The following TIMM23 variants were observed in gnomAD, a reference collection of about 807,000 sequenced individuals.
TIMM23 encodes translocase of inner mitochondrial membrane 23.
TIMM23 carries 19 observed loss-of-function variants against 30.7 expected under a neutral mutation model. That is an observed-to-expected ratio of 0.62 (90% CI 0.43 to 0.91). The LOEUF (loss-of-function observed/expected upper bound fraction) is 0.91, where lower values mean the gene tolerates loss of function less well. Ranked by LOEUF, TIMM23 falls within the 40% of genes least tolerant of loss-of-function variation. TIMM23 has a pLI of 0.00. For synonymous variants in TIMM23, 78 were observed against 98.5 expected, an observed-to-expected ratio of 0.79 and a Z score of 1.23; for missense variants, 202 against 269.2, an observed-to-expected ratio of 0.75 and a Z score of 1.75.
intron 2 of TIMM23, among the ~76,000 whole-genome samples, chr10:45,977,080 A>G (rs1837695145): frequency 6.6e-6 from 1 of 150,434 alleles, no homozygotes; most frequent in Admixed American, 6.7e-5. Flanking sequence ...CATATTCTGA[A>G]AACTATAAAA....
intron 2 of TIMM23, among the ~76,000 whole-genome samples, chr10:45,981,812 T>C (rs1189520532): frequency 1.3e-5 from 2 of 152,174 alleles, no homozygotes; most frequent in African/African-American, 2.4e-5. Flanking sequence ...TAATCCAACA[T>C]GGTGATAAAA....
intron 6 of TIMM23, among the ~76,000 whole-genome samples, chr10:45,994,299 A>G (rs1838261176): frequency 1.3e-5 from 2 of 151,732 alleles, no homozygotes; most frequent in East Asian, 3.9e-4. Context: ...AGATTGCGCC[A>G]CTGCACTCCA....
chr10:45,993,288 C>G (rs1288943283), intron 6 of TIMM23, among the ~76,000 whole-genome samples: 1 of 144,598 alleles, frequency 6.9e-6, no homozygotes, highest in Non-Finnish European at 1.5e-5. Flanking sequence ...TCTCGTTGGC[C>G]AGACTGGAGT....
At chr10:45,986,601 G>A (rs1346267998) in intron 5 of TIMM23, among the ~76,000 whole-genome samples, 9 of 152,222 alleles carry the variant, frequency 5.9e-5, no homozygotes, top group South Asian at 4.2e-4. Context: ...GGCTGAGCGC[G>A]GTGTATTGTT....
Position 46,003,447 on chromosome 10 carries a change from G to A in TIMM23, c.*129G>A. The A allele has an allele frequency of 1.4e-6, 1 of 699,618 alleles. No homozygotes were observed. Among genetic ancestry groups the A allele is most frequent in the Non-Finnish European group, 2.3e-6 (1 of 425,668 alleles). 43.3% of individuals were successfully genotyped at this position (699,618 alleles called of 1,614,324 possible). On this transcript the variant is annotated 3_prime_UTR_variant, in exon 7 of 7. Transcript: ENST00000580018. ...AAAATTGGAGATTTTGATTTGCTGT[G>A]ATGAAAATCCTGGATGGCTGACCAA...
In TIMM23 at chr10:46,003,257, TCTATGCA is replaced by T; in HGVS notation, c.574_580del (p.Ala192IlefsTer7). On this transcript the variant is annotated frameshift_variant, in exon 7 of 7. Transcript: ENST00000580018. LOFTEE classifies it high-confidence loss of function. The stretch of plus-strand genomic sequence containing the variant: ...CTGACAGGACTAACACTTACCAGCC[TCTATGCA>T]CTATATAATAACTGGGAGCACATGA... 1 of 1,614,212 alleles carries T rather than the reference TCTATGCA, an allele frequency of 6.2e-7. No homozygotes were observed. Among genetic ancestry groups the T allele is most frequent in the Non-Finnish European group, 8.5e-7 (1 of 1,180,028 alleles).
rs1482321759 is a variant in TIMM23, at chr10:45,995,996, C to G, written c.514+7149C>G. The stretch of plus-strand genomic sequence containing the variant: ...AATCAAGTGTCTGATGCATAATAAA[C>G]CAACCTAACAAAAAATGCTGCCTTT... On this transcript the variant is annotated intron_variant, in intron 6 of 6. Coordinates refer to ENST00000580018, the MANE Select transcript of TIMM23 (RefSeq NM_006327.4). 1.1e-4 allele frequency among the ~76,000 whole-genome samples: 16 copies of G among 149,982 alleles called. No homozygotes were observed. The East Asian group carries it at 2.9e-3, about 27-fold the overall frequency.
intron 6 of TIMM23, among the ~76,000 whole-genome samples, chr10:45,992,881 ATCTT>A (rs1212068693): frequency 2.0e-5 from 3 of 151,974 alleles, no homozygotes; most frequent in Admixed American, 2.0e-4. Flanking sequence ...AAGTGGCTCT[ATCTT>A]CTCTGTAATT....
In TIMM23 at chr10:45,988,400, G is replaced by T. The variant is rs1398201640; in HGVS notation, c.404-337G>T. On this transcript the variant is annotated intron_variant, in intron 5 of 6. Coordinates refer to ENST00000580018, the MANE Select transcript of TIMM23 (RefSeq NM_006327.4). Reference sequence around the variant, plus strand: ...ATGGCCAGTTCCAAGACAGAAAGGTGTGGGGAAAGATTAGAGTCCTGCTGT... The same window carrying T: ...ATGGCCAGTTCCAAGACAGAAAGGTTTGGGGAAAGATTAGAGTCCTGCTGT... Among the ~76,000 whole-genome samples the T allele has an allele frequency of 4.6e-5, 7 of 152,238 alleles. No homozygotes were observed. In the East Asian group the frequency reaches 1.4e-3, roughly 29 times the overall value.
chr10:45,991,479 C>T (rs1306361734), intron 6 of TIMM23, among the ~76,000 whole-genome samples: 10 of 152,070 alleles, frequency 6.6e-5, no homozygotes, highest in Non-Finnish European at 1.0e-4. Flanking sequence ...CAGCTGGGCA[C>T]GGTGGCTCAT....
At position 45,987,791 on chromosome 10, in the gene TIMM23, A is replaced by T. The variant is rs1185737500; in HGVS notation, c.404-946A>T. On this transcript the variant is annotated intron_variant, in intron 5 of 6. Transcript: ENST00000580018. ...CCACCATACCAACTAATTTTTTTTT[A>T]AATTTTTTTAGAGAAGGGGGTATCC... is the stretch of plus-strand genomic sequence containing the variant. Among the ~76,000 whole-genome samples, 899 of 151,492 alleles carry T rather than the reference A, an allele frequency of 5.9e-3. 4 individuals are homozygous for T. Among genetic ancestry groups the T allele is most frequent in the East Asian group, 0.021 (108 of 5,158 alleles).
chr10:45,990,933 G>A, intron 6 of TIMM23, among the ~76,000 whole-genome samples: 1 of 152,150 alleles, frequency 6.6e-6, no homozygotes, highest in Non-Finnish European at 1.5e-5. Flanking sequence ...GAAGGTAGTA[G>A]ACTGGTACTC....
chr10:45,989,271 C>T (rs1301760426), intron 6 of TIMM23, among the ~76,000 whole-genome samples: 8 of 152,292 alleles, frequency 5.3e-5, no homozygotes, highest in African/African-American at 1.7e-4. Context: ...AGCATAATAT[C>T]CTCAAGGTTC....
In TIMM23 at chr10:45,973,362, A is replaced by T. The variant is rs4962274; in HGVS notation, c.106+632A>T. On this transcript the variant is annotated intron_variant, in intron 1 of 6. Transcript: ENST00000580018. ...CTTTGCCTCTCCTCGGTCTTGTGAA[A>T]ATGTTTTCCAGAACTTTGGTACTTT... Among the ~76,000 whole-genome samples the T allele has an allele frequency of 4.7e-3, 719 of 152,282 alleles. 5 individuals are homozygous for T. The highest frequency in any genetic ancestry group is 0.019 in the East Asian group (97 of 5,186).
At chr10:45,980,086 T>C (rs1211453813) in intron 2 of TIMM23, among the ~76,000 whole-genome samples, 6 of 151,106 alleles carry the variant, frequency 4.0e-5, no homozygotes, top group African/African-American at 7.3e-5. Flanking sequence ...CTTCAGACTT[T>C]AAAAAGTGTT....
chr10:45,977,326 A>C (rs1837703563), intron 2 of TIMM23, among the ~76,000 whole-genome samples: 1 of 151,668 alleles, frequency 6.6e-6, no homozygotes, highest in Non-Finnish European at 1.5e-5. Context: ...TGCCAATTTC[A>C]AAACTTTCTA....
intron 4 of TIMM23, among the ~76,000 whole-genome samples, chr10:45,984,211 T>C (rs1213672813): frequency 1.4e-3 from 211 of 152,304 alleles, no homozygotes; most frequent in Non-Finnish European, 1.9e-3. Flanking sequence ...CATAGCATAG[T>C]GAACACATGA....
intron 5 of TIMM23, among the ~76,000 whole-genome samples, chr10:45,986,515 A>AG: frequency 6.7e-6 from 1 of 148,960 alleles, no homozygotes; most frequent in East Asian, 2.0e-4. Flanking sequence ...GCTCGTGATC[A>AG]GTTTCAGTTA....
chr10:45,974,862 G>C (rs797028063), intron 1 of TIMM23, among the ~76,000 whole-genome samples: 65,649 of 151,480 alleles, frequency 0.43, 14,728 homozygotes, highest in Admixed American at 0.56. Context: ...AGGTTTTACT[G>C]TTTTCAATGT....
Sources: gnomAD v4.1 joint callset for allele counts (sites outside exome capture counted in the v4.1 genomes callset) on GRCh38, gnomAD v4.1.1 for gene constraint, MANE v1.5 for transcripts, NCBI Gene and HGNC (gene_info 2026-07-23, HGNC 2026-07-21) for gene names.